NAV3: variants seen among roughly 807,000 people sequenced by gnomAD.
NAV3 encodes the protein neuron navigator 3, also known as pore membrane and/or filament interacting like protein 1.
NAV3 carries 87 observed loss-of-function variants against 244.7 expected under a neutral mutation model. The ratio of observed to expected loss-of-function variants is 0.36; its 90% CI spans 0.30 to 0.42. NAV3 has a LOEUF of 0.42. Ranked by LOEUF, NAV3 falls within the 20% of genes least tolerant of loss-of-function variation. The pLI is 1.00. For synonymous variants in NAV3, 1,126 were observed against 1,042.2 expected (o/e 1.08, Z -1.55); for missense variants, 2,663 against 2,893.3 (o/e 0.92, Z 1.83).
intron 22 of NAV3, among the ~76,000 whole-genome samples, chr12:78,154,661 T>C (rs1288496175): frequency 6.6e-6 from 1 of 151,860 alleles, no homozygotes; most frequent in African/African-American, 2.4e-5. Context: ...AGTCAGGGGA[T>C]ATTTATCATC....
intron 2 of NAV3, among the ~76,000 whole-genome samples, chr12:77,743,768 TTATAAA>T (rs1482480977): frequency 1.3e-5 from 2 of 151,798 alleles, no homozygotes; most frequent in African/African-American, 4.8e-5. Flanking sequence ...CTTTCATATC[TTATAAA>T]TAAGAATAGG....
At position 78,190,158 on chromosome 12, in the gene NAV3, C is replaced by T. The variant is rs779055385; in HGVS notation, c.6230C>T (p.Ser2077Phe). Residue 2077 changes from serine (S) to phenylalanine (F), a missense_variant, in exon 34 of 40, where the codon TCT becomes TTT. This residue lies in a region of NAV3 where 543 missense variants were observed against 672.4 expected (regional missense o/e 0.81). Transcript: ENST00000397909. Reference protein sequence around the residue: ...NKLAEYVITKSGRKKTEDAIA... With the variant: ...NKLAEYVITKFGRKKTEDAIA... ...CTTGCTGAATATGTAATAACCAAAT[C>T]TGGAAGGAAAAAAACAGAGGATGCA... 2 of 1,612,786 alleles carry T rather than the reference C, an allele frequency of 1.2e-6. No homozygotes were observed. The highest frequency in any genetic ancestry group is 1.7e-6 in the Non-Finnish European group (2 of 1,179,424).
rs116711511 is a variant in NAV3 at position 78,150,025 on chromosome 12, A to G, written c.4785+1106A>G. On this transcript the variant is annotated intron_variant, in intron 22 of 39. Coordinates refer to ENST00000397909, the MANE Select transcript of NAV3 (RefSeq NM_001024383.2). ...TAGATGGTGTTAGGAGATTCCTGAA[A>G]ATAATAGCAGTTTTTAGATAATTGT... Among the ~76,000 whole-genome samples, 1,514 of 152,202 alleles carry G rather than the reference A, an allele frequency of 9.9e-3. 21 individuals carry two copies. Among genetic ancestry groups the G allele is most frequent in the African/African-American group, 0.033 (1,387 of 41,544 alleles).
At chr12:77,931,221 C>A (rs568674790) in intron 1 of NAV3, among the ~76,000 whole-genome samples, 18 of 152,188 alleles carry the variant, frequency 1.2e-4, no homozygotes, top group African/African-American at 3.4e-4. Flanking sequence ...ATCCTTCCAG[C>A]CTTTCAGCTT....
intron 1 of NAV3, among the ~76,000 whole-genome samples, chr12:77,911,256 T>C (rs1023377551): frequency 2.0e-5 from 3 of 152,134 alleles, no homozygotes; most frequent in Admixed American, 6.6e-5. Context: ...CAGAAACAGA[T>C]GATCTGTCCT....
At chr12:77,619,862 G>A (rs568760230) in intron 2 of NAV3, among the ~76,000 whole-genome samples, 1 of 151,650 alleles carries the variant, frequency 6.6e-6, no homozygotes, top group African/African-American at 2.4e-5. Flanking sequence ...ACGTTAATGT[G>A]ACAAAAAGTC....
At chr12:77,735,014 A>G (rs947775255) in intron 2 of NAV3, among the ~76,000 whole-genome samples, 2 of 152,172 alleles carry the variant, frequency 1.3e-5, no homozygotes, top group Admixed American at 6.6e-5. Context: ...TCTCTCTAAA[A>G]AAAGCTAATA....
At chr12:77,896,507 T>A (rs1436611582) in intron 1 of NAV3, among the ~76,000 whole-genome samples, 4 of 152,176 alleles carry the variant, frequency 2.6e-5, no homozygotes, top group African/African-American at 9.7e-5. Flanking sequence ...ATAATTGATG[T>A]GGAAAAAAGT....
At chr12:77,639,925 G>GTA (rs1218578906) in intron 2 of NAV3, among the ~76,000 whole-genome samples, 3 of 152,190 alleles carry the variant, frequency 2.0e-5, no homozygotes. Flanking sequence ...TTCAGCCTGA[G>GTA]CTGTCAAAAG....
chr12:77,850,762 G>A (rs1451700031), intron 1 of NAV3, among the ~76,000 whole-genome samples: 1 of 151,980 alleles, frequency 6.6e-6, no homozygotes, highest in Non-Finnish European at 1.5e-5. Context: ...TGTCCTCAGG[G>A]TAATGGCAGA....
chr12:77,703,352 T>C (rs141840237), intron 2 of NAV3, among the ~76,000 whole-genome samples: 141 of 152,218 alleles, frequency 9.3e-4, no homozygotes, highest in African/African-American at 3.0e-3. Context: ...ATTACATGTA[T>C]CAGCACTTCA....
intron 2 of NAV3, among the ~76,000 whole-genome samples, chr12:77,768,961 C>CA (rs1869931791): frequency 1.3e-5 from 2 of 152,194 alleles, no homozygotes; most frequent in African/African-American, 4.8e-5. Flanking sequence ...TGCCCTTCCT[C>CA]AAAAAATAAT....
chr12:77,981,029 A>C (rs1869464439), intron 5 of NAV3, among the ~76,000 whole-genome samples: 1 of 152,200 alleles, frequency 6.6e-6, no homozygotes, highest in Non-Finnish European at 1.5e-5. Context: ...TTTCACTAAA[A>C]GGATAAGTTA....
intron 1 of NAV3, among the ~76,000 whole-genome samples, chr12:77,924,249 C>T (rs1012786251): frequency 6.6e-6 from 1 of 151,960 alleles, no homozygotes; most frequent in Non-Finnish European, 1.5e-5. Context: ...GGCCCATGGG[C>T]AAAACGAAGA....
chr12:78,013,596 G>C (rs2136686226), intron 8 of NAV3, among the ~76,000 whole-genome samples: 1 of 152,222 alleles, frequency 6.6e-6, no homozygotes, highest in East Asian at 1.9e-4. Flanking sequence ...AGAAATTCTT[G>C]AATGTCAGAA....
intron 11 of NAV3, among the ~76,000 whole-genome samples, chr12:78,054,366 G>A (rs930754270): frequency 4.6e-5 from 7 of 152,066 alleles, no homozygotes; most frequent in African/African-American, 1.4e-4. Flanking sequence ...ATGTCTTAGA[G>A]ATAGGCACTA....
chr12:77,594,484 G>A (rs1870078003), intron 2 of NAV3, among the ~76,000 whole-genome samples: 1 of 152,146 alleles, frequency 6.6e-6, no homozygotes, highest in African/African-American at 2.4e-5. Flanking sequence ...TTGAACATCT[G>A]GCAGAACAGC....
At chr12:77,654,587 G>GGGA (rs1872992341) in intron 2 of NAV3, among the ~76,000 whole-genome samples, 2 of 152,154 alleles carry the variant, frequency 1.3e-5, no homozygotes, top group Non-Finnish European at 2.9e-5. Flanking sequence ...CTGTCTGACA[G>GGGA]CTTTGAGGAG....
intron 2 of NAV3, among the ~76,000 whole-genome samples, chr12:77,614,077 T>C (rs1269539644): frequency 1.4e-4 from 6 of 44,066 alleles, no homozygotes; most frequent in Non-Finnish European, 2.4e-4. Context: ...TTTCTCTCTT[T>C]TTTTTTTTTT....
Sources: allele counts gnomAD v4.1 joint callset (sites outside exome capture counted in the v4.1 genomes callset), GRCh38; gene constraint gnomAD v4.1.1; regional missense constraint gnomAD v4.1.1; transcripts MANE v1.5; gene names NCBI Gene and HGNC (gene_info 2026-07-23, HGNC 2026-07-21).